The following ADAMTS2 variants were observed in gnomAD, a reference collection of about 807,000 sequenced individuals.
The protein encoded by ADAMTS2 is A disintegrin and metalloproteinase with thrombospondin motifs 2.
In ADAMTS2, 50 loss-of-function variants were observed where a neutral mutation model predicts 123.0. That is an observed-to-expected ratio of 0.41 (90% confidence interval 0.32 to 0.51). ADAMTS2 has a LOEUF of 0.51. ADAMTS2 is among the 20% of genes least tolerant of loss of function. The pLI, the probability that ADAMTS2 is intolerant of heterozygous loss-of-function variation, is 0.35. For synonymous variants in ADAMTS2, 678 were observed against 695.4 expected (o/e 0.98, Z 0.39); for missense variants, 1,494 against 1,705.2 (o/e 0.88, Z 2.18).
At chr5:179,245,658 C>T (rs565994799) in intron 3 of ADAMTS2, among the ~76,000 whole-genome samples, 2 of 144,542 alleles carry the variant, frequency 1.4e-5, no homozygotes, top group Non-Finnish European at 3.0e-5. Flanking sequence ...CCCAGCTACT[C>T]GGGAGGCTGA....
chr5:179,301,857 C>G (rs1050335461), intron 2 of ADAMTS2, among the ~76,000 whole-genome samples: 1 of 152,256 alleles, frequency 6.6e-6, no homozygotes, highest in African/African-American at 2.4e-5. Flanking sequence ...AGCCGGAGAG[C>G]CGGTGGCAGC....
chr5:179,247,717 G>A (rs530835771), intron 3 of ADAMTS2, among the ~76,000 whole-genome samples: 22 of 152,168 alleles, frequency 1.4e-4, no homozygotes, highest in African/African-American at 4.6e-4. Context: ...AGAAACCAAC[G>A]GGATGACATA....
At chr5:179,294,566 G>A (rs1756279679) in intron 2 of ADAMTS2, among the ~76,000 whole-genome samples, 1 of 152,210 alleles carries the variant, frequency 6.6e-6, no homozygotes, top group African/African-American at 2.4e-5. Context: ...GTCCGGAATG[G>A]TGGTCTGGAG....
intron 11 of ADAMTS2, 143 bp from the exon 12 acceptor site, chr5:179,138,087 T>G (rs976958142): frequency 8.7e-6 from 8 of 915,094 alleles, no homozygotes; most frequent in African/African-American, 1.6e-5. Flanking sequence ...GACCTTGCCC[T>G]GCCATGTCCT....
At chr5:179,172,248 G>C (rs984028033) in intron 5 of ADAMTS2, among the ~76,000 whole-genome samples, 1 of 152,190 alleles carries the variant, frequency 6.6e-6, no homozygotes, top group Non-Finnish European at 1.5e-5. Context: ...CCCAGGGCCT[G>C]CACATGTCCC....
At position 179,125,000 on chromosome 5, in the gene ADAMTS2, A is replaced by G. The variant is rs1435384175; in HGVS notation, c.2931T>C (p.Gly977=). ...GGGACCAGGGCCCGGCTCGCCAACG[A>G]CCAGGGCAGAGCTCGCGGCTGCAGG... is the stretch of plus-strand genomic sequence containing the variant. The part of the protein sequence containing the change: ...RRACSRELCP[G]RWRAGPWSQC... The change falls in exon 19 of 22, where the codon GGT becomes GGC. Residue 977 remains glycine, a synonymous_variant. Transcript: ENST00000251582. 6 of 1,603,822 alleles carry G rather than the reference A, an allele frequency of 3.7e-6. No individual in the cohort carries two copies. Among genetic ancestry groups the G allele is most frequent in the Non-Finnish European group, 5.1e-6 (6 of 1,178,026 alleles).
intron 3 of ADAMTS2, among the ~76,000 whole-genome samples, chr5:179,263,058 G>C (rs1243275871): frequency 2.0e-5 from 3 of 148,138 alleles, no homozygotes; most frequent in African/African-American, 7.6e-5. Context: ...CCCATGATTT[G>C]GGGAGCAGCA....
At chr5:179,203,705 AAAAGAC>A (rs201787560) in intron 4 of ADAMTS2, among the ~76,000 whole-genome samples, 2,515 of 152,328 alleles carry the variant, frequency 0.017, 78 homozygotes, top group African/African-American at 0.056. Flanking sequence ...AAAAAGAAAA[AAAAGAC>A]AAGAGTTGGT....
chr5:179,158,579 C>A lies in ADAMTS2; in HGVS notation c.1132+144G>T. The A allele has an allele frequency of 6.6e-6, 7 of 1,053,986 alleles. No homozygotes were observed. Among genetic ancestry groups the A allele is most frequent in the Non-Finnish European group, 7.2e-6 (5 of 699,060 alleles). The allele number at this position is 1,053,986 out of a possible 1,614,324, so 65.3% of individuals were successfully genotyped here. A position where few individuals can be genotyped will look rare whatever the true frequency, so the allele number is the denominator to read the frequency against. Reference sequence around the variant, plus strand: ...ATTTGTCCATCAGTGCACTGCCCCACACCCTCACCCAGCTAAGGTGGCCAC... The same window carrying A: ...ATTTGTCCATCAGTGCACTGCCCCAAACCCTCACCCAGCTAAGGTGGCCAC... On this transcript the variant is annotated intron_variant, in intron 6 of 21. Coordinates refer to ENST00000251582, the MANE Select transcript of ADAMTS2 (RefSeq NM_014244.5). This position sits in a 1 kb window ranked among gnomAD's most constrained non-coding sequence, Gnocchi z 5.0.
chr5:179,297,881 G>A lies in ADAMTS2; in HGVS notation c.535-24817C>T, dbSNP rs112641894. ...ACCGGGTCTCTTCAATCCTGAACAA[G>A]AAGACTCTGCTTCCCCTCCAGCCAC... On this transcript the variant is annotated intron_variant, in intron 2 of 21. Transcript: ENST00000251582. 2.6e-3 allele frequency among the ~76,000 whole-genome samples: 394 copies of A among 152,210 alleles called. 5 individuals are homozygous for A. Among genetic ancestry groups the A allele is most frequent in the Admixed American group, 4.8e-3 (73 of 15,296 alleles).
At position 179,240,891 on chromosome 5, in the gene ADAMTS2, A is replaced by G. The variant is rs574213209; in HGVS notation, c.688+32020T>C. 2.2e-4 allele frequency among the ~76,000 whole-genome samples: 33 copies of G among 152,338 alleles called. No individual in the cohort carries two copies. In the East Asian group the frequency reaches 4.6e-3, roughly 21 times the overall value. On this transcript the variant is annotated intron_variant, in intron 3 of 21. Coordinates refer to ENST00000251582, the MANE Select transcript of ADAMTS2 (RefSeq NM_014244.5). ...AGAGGTTTTGTCCGGTAAAGGGAAG[A>G]GGAACAGGGTTCAACTCTCCTGGCA...
In ADAMTS2 at chr5:179,153,585, T is replaced by C; in HGVS notation, c.1421A>G (p.Asp474Gly). Residue 474 changes from aspartate (D) to glycine (G), a missense_variant, in exon 9 of 22, where the codon GAC becomes GGC. This residue lies in a region of ADAMTS2 where 953 missense variants were observed against 1,124.7 expected (regional missense o/e 0.85). Transcript: ENST00000251582. ...CGGGAGCTGGGGCAGCGCCGGCCAG[T>C]CGTGGGCGAAGGGGTCATCCAGCAG... ...DCLLDDPFAH[D>G]WPALPQLPGL... The C allele has an allele frequency of 1.2e-6, 2 of 1,607,844 alleles. No individual in the cohort carries two copies. The highest frequency in any genetic ancestry group is 1.7e-6 in the Non-Finnish European group (2 of 1,179,768).
In ADAMTS2 at chr5:179,338,425, C is replaced by T. The variant is rs548487812; in HGVS notation, c.534+5342G>A. 9.2e-5 allele frequency among the ~76,000 whole-genome samples: 14 copies of T among 152,302 alleles called. No individual in the cohort carries two copies. In the East Asian group the frequency reaches 9.7e-4, roughly 11 times the overall value. On this transcript the variant is annotated intron_variant, in intron 2 of 21. Coordinates refer to ENST00000251582, the MANE Select transcript of ADAMTS2 (RefSeq NM_014244.5). ...CCCCGGACCCCCTCCTGAGGCTGGCCGCCGCCTCCAGAGGGACTGCGCTGC... is the reference window on the plus strand; with the variant it reads ...CCCCGGACCCCCTCCTGAGGCTGGCTGCCGCCTCCAGAGGGACTGCGCTGC...
At chr5:179,270,072 C>T (rs1766487112) in intron 3 of ADAMTS2, among the ~76,000 whole-genome samples, 1 of 152,224 alleles carries the variant, frequency 6.6e-6, no homozygotes, top group South Asian at 2.1e-4. Flanking sequence ...TGCACACACT[C>T]ATCCCTGGCC....
chr5:179,131,306 C>CAAAAAAAAAAAAAA (rs553125844), intron 15 of ADAMTS2, among the ~76,000 whole-genome samples: 2 of 22,658 alleles, frequency 8.8e-5, no homozygotes, highest in Admixed American at 4.1e-4. Context: ...GAGCGAGACT[C>CAAAAAAAAAAAAAA]AAAAAAAAAA....
At chr5:179,138,438 T>C (rs572297480) in intron 11 of ADAMTS2, among the ~76,000 whole-genome samples, 1 of 152,208 alleles carries the variant, frequency 6.6e-6, no homozygotes. Flanking sequence ...TCTCAGCAAG[T>C]GTCTTGGCAC....
chr5:179,220,144 G>A lies in ADAMTS2; in HGVS notation c.689-12429C>T, dbSNP rs189765827. Among the ~76,000 whole-genome samples the A allele has an allele frequency of 8.6e-3, 1,312 of 152,356 alleles. 9 individuals carry two copies. Among genetic ancestry groups the A allele is most frequent in the Non-Finnish European group, 0.011 (778 of 68,032 alleles). On this transcript the variant is annotated intron_variant, in intron 3 of 21. Coordinates refer to ENST00000251582, the MANE Select transcript of ADAMTS2 (RefSeq NM_014244.5). ...GCACCGCAGCACGCGGCAGCCAAGTGGTGGGGGCCGATGGAGAGGCCGGCA... is the reference window on the plus strand; with the variant it reads ...GCACCGCAGCACGCGGCAGCCAAGTAGTGGGGGCCGATGGAGAGGCCGGCA...
intron 2 of ADAMTS2, among the ~76,000 whole-genome samples, chr5:179,296,688 G>A (rs1291063919): frequency 1.3e-5 from 2 of 152,112 alleles, no homozygotes; most frequent in South Asian, 2.1e-4. Context: ...GAGAGGCGGC[G>A]GGCAGAGAGA....
chr5:179,196,601 G>A (rs1561799686), intron 4 of ADAMTS2, among the ~76,000 whole-genome samples: 1 of 152,246 alleles, frequency 6.6e-6, no homozygotes, highest in Non-Finnish European at 1.5e-5. Flanking sequence ...GGGGTGGGCT[G>A]GGGTCTGAGC....
Sources: allele counts gnomAD v4.1 joint callset (sites outside exome capture counted in the v4.1 genomes callset), GRCh38; gene constraint gnomAD v4.1.1; regional missense constraint gnomAD v4.1.1; non-coding constraint Gnocchi (gnomAD v3.1); transcripts MANE v1.5; gene names NCBI Gene and HGNC (gene_info 2026-07-23, HGNC 2026-07-21).